SND1: variants seen among roughly 807,000 people sequenced by gnomAD.
SND1 encodes staphylococcal nuclease domain-containing protein 1.
Under a neutral mutation model 121.7 loss-of-function variants are expected in SND1, and 38 were observed. The observed-to-expected ratio is 0.31, with a 90% CI of 0.24 to 0.41. SND1 has a LOEUF of 0.41. Among genes scored for constraint, SND1 ranks in the 10% least tolerant of loss-of-function variants. SND1 has a pLI of 1.00. For synonymous variants in SND1, 401 were observed against 447.4 expected (o/e 0.90, Z 1.31); for missense variants, 868 against 1,184.6 (o/e 0.73, Z 3.92).
At chr7:127,829,415 A>T (rs2116620849) in intron 11 of SND1, among the ~76,000 whole-genome samples, 1 of 152,274 alleles carries the variant, frequency 6.6e-6, no homozygotes, top group East Asian at 1.9e-4. Flanking sequence ...ATTTAAAAAA[A>T]ATGGATTTGG....
intron 11 of SND1, among the ~76,000 whole-genome samples, chr7:127,836,955 A>C (rs966498076): frequency 1.1e-4 from 16 of 152,330 alleles, no homozygotes; most frequent in African/African-American, 3.1e-4. Context: ...TCAGTGTATA[A>C]ATTTATCCTC....
Position 128,092,348 on chromosome 7 carries a change from A to T in SND1, c.*290A>T. On this transcript the variant is annotated 3_prime_UTR_variant, in exon 24 of 24. Coordinates refer to ENST00000354725, the MANE Select transcript of SND1 (RefSeq NM_014390.4). This position sits in a 1 kb window ranked among gnomAD's most constrained non-coding sequence, Gnocchi z 4.9. ...TTTTTTAAAAAAAAAAAGTCCTCAAATCAGGAAGAAACATCAAAGACTATG... is the reference window on the plus strand; with the variant it reads ...TTTTTTAAAAAAAAAAAGTCCTCAATTCAGGAAGAAACATCAAAGACTATG... The T allele has an allele frequency of 2.3e-6, 1 of 438,416 alleles. No individual in the cohort carries two copies. The highest frequency in any genetic ancestry group is 3.6e-5 in the East Asian group (1 of 28,076). 27.2% of individuals were successfully genotyped at this position (438,416 alleles called of 1,614,324 possible). A position where few individuals can be genotyped will look rare whatever the true frequency, so the allele number is the denominator to read the frequency against.
Position 128,029,147 on chromosome 7 carries a change from G to C in SND1, c.1779+38091G>C. ...GTACTGCCACCTGCTTGGGCACACG[G>C]GTAGTCTGAATGAGCACCGTGGTAG... On this transcript the variant is annotated intron_variant, in intron 16 of 23. Transcript: ENST00000354725. This position sits in a 1 kb window ranked among gnomAD's most constrained non-coding sequence, Gnocchi z 4.2. The C allele has an allele frequency of 6.2e-7, 1 of 1,614,110 alleles. No homozygotes were observed. The highest frequency in any genetic ancestry group is 8.5e-7 in the Non-Finnish European group (1 of 1,180,024).
intron 10 of SND1, among the ~76,000 whole-genome samples, chr7:127,778,594 T>G (rs1797664831): frequency 6.6e-6 from 1 of 152,220 alleles, no homozygotes; most frequent in Non-Finnish European, 1.5e-5. Flanking sequence ...TGACCTGGGT[T>G]TCTGTGACTT....
intron 9 of SND1, among the ~76,000 whole-genome samples, chr7:127,710,059 G>A (rs1173513427): frequency 6.6e-6 from 1 of 151,568 alleles, no homozygotes; most frequent in African/African-American, 2.4e-5. Context: ...CCCATGGGCT[G>A]AATTTGGCTG....
At chr7:127,980,334 A>G (rs1584712913) in intron 15 of SND1, among the ~76,000 whole-genome samples, 1 of 19,226 alleles carries the variant, frequency 5.2e-5, no homozygotes, top group South Asian at 1.1e-3. Context: ...TTTAGCCGGG[A>G]TGGTCTCGAT....
At chr7:127,874,736 T>A (rs1310757689) in intron 12 of SND1, among the ~76,000 whole-genome samples, 1 of 152,074 alleles carries the variant, frequency 6.6e-6, no homozygotes, top group Non-Finnish European at 1.5e-5. Flanking sequence ...TCGAATCATT[T>A]CTCCCATACC....
intron 12 of SND1, among the ~76,000 whole-genome samples, chr7:127,887,386 ATC>A (rs1483547124): frequency 6.6e-6 from 1 of 152,078 alleles, no homozygotes; most frequent in Non-Finnish European, 1.5e-5. Context: ...TGGGTAGAAG[ATC>A]TACTCTCAGG....
chr7:127,887,861 A>T (rs770454909), intron 12 of SND1, 41 bp from the exon 13 acceptor site: 1 of 1,332,702 alleles, frequency 7.5e-7, no homozygotes, highest in Admixed American at 1.7e-5. Flanking sequence ...TGAGCCCCAT[A>T]TGCACTTCTA....
At chr7:127,688,912 A>T (rs1415164180) in intron 2 of SND1, among the ~76,000 whole-genome samples, 1 of 152,232 alleles carries the variant, frequency 6.6e-6, no homozygotes, top group Non-Finnish European at 1.5e-5. Flanking sequence ...TTTAGTTTTT[A>T]AAATTATAAT....
intron 16 of SND1, among the ~76,000 whole-genome samples, chr7:128,069,931 G>C (rs546386572): frequency 6.6e-6 from 1 of 152,170 alleles, no homozygotes; most frequent in Non-Finnish European, 1.5e-5. Flanking sequence ...TTCATGGTAG[G>C]CCAGGGATCA....
intron 16 of SND1, among the ~76,000 whole-genome samples, chr7:128,020,058 T>C (rs1803310514): frequency 1.3e-5 from 2 of 152,338 alleles, no homozygotes; most frequent in South Asian, 4.1e-4. Context: ...GTTACCTTAC[T>C]ACCCTGCACT....
chr7:127,857,359 ATTTT>A (rs34235946), intron 12 of SND1, among the ~76,000 whole-genome samples: 6 of 113,154 alleles, frequency 5.3e-5, no homozygotes, highest in East Asian at 2.5e-4. Context: ...CCCCCGGCTA[ATTTT>A]TTTTTTTTTT....
intron 15 of SND1, among the ~76,000 whole-genome samples, chr7:127,935,527 A>G (rs762752822): frequency 5.3e-5 from 8 of 152,242 alleles, no homozygotes; most frequent in Non-Finnish European, 8.8e-5. Context: ...GAATCAGGAA[A>G]GGCTGCACAG....
At chr7:127,771,722 T>C (rs1797515816) in intron 10 of SND1, among the ~76,000 whole-genome samples, 3 of 152,204 alleles carry the variant, frequency 2.0e-5, no homozygotes, top group Admixed American at 2.0e-4. Flanking sequence ...TGTAAAATAA[T>C]ACTGTGTCTT....
chr7:128,087,076 C>T (rs781418416), intron 21 of SND1, 25 bp downstream of exon 21: 1 of 1,569,840 alleles, frequency 6.4e-7, no homozygotes, highest in Non-Finnish European at 8.8e-7. Flanking sequence ...TTCCTCCTTC[C>T]AAAGGGGACT....
At chr7:127,922,175 C>CTTTTTTTTTTTTTTTTTTTTTTTTTTTT (rs1158535023) in intron 14 of SND1, among the ~76,000 whole-genome samples, 11 of 57,194 alleles carry the variant, frequency 1.9e-4, no homozygotes, top group Non-Finnish European at 3.0e-4. Context: ...TTTTTCTTTC[C>CTTTTTTTTTTTTTTTTTTTTTTTTTTTT]TTTTTTTTTT....
chr7:128,028,537 TTAATA>T, intron 16 of SND1: 2 of 793,684 alleles, frequency 2.5e-6, no homozygotes, highest in Non-Finnish European at 3.8e-6. Context: ...TCTTTAAATT[TTAATA>T]TAATCTGTTT....
At chr7:127,723,612 C>A (rs1462389337) in intron 10 of SND1, among the ~76,000 whole-genome samples, 1 of 151,934 alleles carries the variant, frequency 6.6e-6, no homozygotes, top group African/African-American at 2.4e-5. Flanking sequence ...TAGAAGGTAC[C>A]CTGAAGAGTA....
Sources: allele counts gnomAD v4.1 joint callset (sites outside exome capture counted in the v4.1 genomes callset), GRCh38; gene constraint gnomAD v4.1.1; non-coding constraint Gnocchi (gnomAD v3.1); transcripts MANE v1.5; gene names NCBI Gene and HGNC (gene_info 2026-07-23, HGNC 2026-07-21).